ITGA11: variants seen among roughly 807,000 people sequenced by gnomAD.
The protein encoded by ITGA11 is integrin alpha-11.
A neutral mutation model predicts 141.9 loss-of-function variants in ITGA11; 97 were observed. The observed-to-expected ratio is 0.68, with a 90% CI of 0.58 to 0.81. ITGA11 has a LOEUF of 0.81. Ranked by LOEUF, ITGA11 falls within the 30% of genes least tolerant of loss-of-function variation. The pLI is 0.00. For synonymous variants in ITGA11, 658 were observed against 624.6 expected (o/e 1.05, Z -0.80); for missense variants, 1,387 against 1,559.2 (o/e 0.89, Z 1.86).
chr15:68,385,332 T>C (rs1465477450), intron 2 of ITGA11, among the ~76,000 whole-genome samples: 1 of 152,134 alleles, frequency 6.6e-6, no homozygotes, highest in Non-Finnish European at 1.5e-5. Flanking sequence ...ACTCTATGCC[T>C]GTGGGAAAGG....
chr15:68,418,007 G>A (rs1456915190), intron 1 of ITGA11, among the ~76,000 whole-genome samples: 2 of 152,246 alleles, frequency 1.3e-5, no homozygotes, highest in African/African-American at 4.8e-5. Flanking sequence ...GGACTAATGT[G>A]TGCTGGAGTC....
chr15:68,337,605 G>A (rs1894405835), intron 11 of ITGA11, among the ~76,000 whole-genome samples: 1 of 152,196 alleles, frequency 6.6e-6, no homozygotes, highest in South Asian at 2.1e-4. Context: ...TGGGCCTCAT[G>A]AGTGTCCATC....
intron 11 of ITGA11, among the ~76,000 whole-genome samples, chr15:68,336,707 T>C (rs1474201258): frequency 6.6e-6 from 1 of 152,216 alleles, no homozygotes; most frequent in Non-Finnish European, 1.5e-5. Flanking sequence ...TAGATGAGTG[T>C]TGGACTTTGT....
chr15:68,430,581 C>T (rs1156751586), intron 1 of ITGA11, among the ~76,000 whole-genome samples: 5 of 152,136 alleles, frequency 3.3e-5, no homozygotes, highest in Non-Finnish European at 4.4e-5. Context: ...CACAGGAGTG[C>T]GTCTCTTTTC....
At chr15:68,405,158 C>CTTTTTT (rs1566940352) in intron 1 of ITGA11, among the ~76,000 whole-genome samples, 10 of 7,814 alleles carry the variant, frequency 1.3e-3, no homozygotes, top group African/African-American at 5.1e-3. Context: ...CCACTGTCTC[C>CTTTTTT]CTTTTTTTTT....
chr15:68,315,032 T>C (rs1376151628), intron 22 of ITGA11, among the ~76,000 whole-genome samples: 1 of 152,092 alleles, frequency 6.6e-6, no homozygotes, highest in Non-Finnish European at 1.5e-5. Context: ...GGTCAACACA[T>C]AGCAAGCTAC....
chr15:68,374,446 G>T (rs4776402), intron 2 of ITGA11, among the ~76,000 whole-genome samples: 3 of 152,038 alleles, frequency 2.0e-5, no homozygotes, highest in Admixed American at 6.5e-5. Context: ...CCAAGGCCAG[G>T]GAGAGAAGTG....
At chr15:68,332,593 T>A in intron 12 of ITGA11, 115 bp from the exon 13 acceptor site, 1 of 1,183,042 alleles carries the variant, frequency 8.5e-7, no homozygotes, top group Middle Eastern at 2.2e-4. Context: ...GAATTTTTGG[T>A]GAACAAATGG....
At position 68,303,251 on chromosome 15, in the gene ITGA11, C is replaced by T. The variant is rs1893087326; in HGVS notation, c.3496-121G>A. 4.9e-6 allele frequency: 4 copies of T among 813,160 alleles called. No individual in the cohort carries two copies. Among genetic ancestry groups the T allele is most frequent in the South Asian group, 4.6e-5 (3 of 65,056 alleles). 50.4% of individuals were successfully genotyped at this position (813,160 alleles called of 1,614,324 possible). A position where few individuals can be genotyped will look rare whatever the true frequency, so the allele number is the denominator to read the frequency against. ...TCAGGGCTTCCTTGAGTACCCCCAGCTCATTCTGAGCACCCCCTCCTCCAG... is the reference window on the plus strand; with the variant it reads ...TCAGGGCTTCCTTGAGTACCCCCAGTTCATTCTGAGCACCCCCTCCTCCAG... On this transcript the variant is annotated intron_variant, in intron 29 of 29. Transcript: ENST00000315757. This position sits in a 1 kb window ranked among gnomAD's most constrained non-coding sequence, Gnocchi z 5.3.
intron 7 of ITGA11, among the ~76,000 whole-genome samples, chr15:68,354,224 CA>C (rs1281674585): frequency 7.2e-5 from 11 of 152,116 alleles, no homozygotes; most frequent in Non-Finnish European, 5.9e-5. Context: ...CTCACGATGG[CA>C]CGGTATTTGT....
chr15:68,332,021 A>G lies in ITGA11; in HGVS notation c.1608T>C (p.Ser536=). ...VYNGTLKDSH[S]YQNARFGSSI... is the part of the protein sequence containing the mutation. Reference sequence around the variant, plus strand: ...AGGACCCAAATCGGGCATTCTGGTAACTGTGTGAATCCTTTAGCGTTCCGT... The same window carrying G: ...AGGACCCAAATCGGGCATTCTGGTAGCTGTGTGAATCCTTTAGCGTTCCGT... Residue 536 remains serine (S), a synonymous_variant, in exon 14 of 30, where the codon AGT becomes AGC. Coordinates refer to ENST00000315757, the MANE Select transcript of ITGA11 (RefSeq NM_001004439.2). 1 of 1,610,954 alleles carries G rather than the reference A, an allele frequency of 6.2e-7. No homozygotes were observed. Among genetic ancestry groups the G allele is most frequent in the Non-Finnish European group, 8.5e-7 (1 of 1,178,610 alleles).
At chr15:68,356,106 ATTTTT>A (rs10574703) in intron 7 of ITGA11, among the ~76,000 whole-genome samples, 25,787 of 151,214 alleles carry the variant, frequency 0.17, 2,576 homozygotes, top group Non-Finnish European at 0.23. Context: ...ATTTTATTTT[ATTTTT>A]TTGAGACGGA....
At chr15:68,341,546 G>T (rs1894569579) in intron 10 of ITGA11, among the ~76,000 whole-genome samples, 2 of 152,248 alleles carry the variant, frequency 1.3e-5, no homozygotes, top group Non-Finnish European at 2.9e-5. Flanking sequence ...AAGTAGGGCA[G>T]AGAAGAAAAC....
At chr15:68,429,653 C>A (rs997424493) in intron 1 of ITGA11, among the ~76,000 whole-genome samples, 1 of 152,170 alleles carries the variant, frequency 6.6e-6, no homozygotes, top group Non-Finnish European at 1.5e-5. Context: ...TCATGTGATG[C>A]ATGGATGAGG....
chr15:68,352,195 T>G (rs1894936264), intron 7 of ITGA11, among the ~76,000 whole-genome samples: 1 of 151,272 alleles, frequency 6.6e-6, no homozygotes, highest in African/African-American at 2.4e-5. Context: ...TATTAGTTTT[T>G]TTTTTTTTTT....
intron 1 of ITGA11, among the ~76,000 whole-genome samples, chr15:68,425,686 T>C (rs1374629686): frequency 6.6e-6 from 1 of 152,206 alleles, no homozygotes; most frequent in Non-Finnish European, 1.5e-5. Context: ...TTGCAGACTA[T>C]CTAGAGCTAC....
At chr15:68,426,903 T>C (rs1897155841) in intron 1 of ITGA11, among the ~76,000 whole-genome samples, 1 of 149,712 alleles carries the variant, frequency 6.7e-6, no homozygotes, top group South Asian at 2.1e-4. Context: ...TAATCCCAGC[T>C]ACTCAGGAAG....
intron 10 of ITGA11, among the ~76,000 whole-genome samples, chr15:68,344,902 T>A (rs113799396): frequency 1.3e-4 from 20 of 152,152 alleles, no homozygotes; most frequent in Non-Finnish European, 2.1e-4. Flanking sequence ...TAGGGCAGAT[T>A]TAGGATTCCA....
At chr15:68,314,244 G>A (rs1893493581) in intron 22 of ITGA11, among the ~76,000 whole-genome samples, 1 of 152,184 alleles carries the variant, frequency 6.6e-6, no homozygotes, top group African/African-American at 2.4e-5. Flanking sequence ...GACACCTGTG[G>A]CAAAGGCTGT....
Sources: allele counts gnomAD v4.1 joint callset (sites outside exome capture counted in the v4.1 genomes callset), GRCh38; gene constraint gnomAD v4.1.1; non-coding constraint Gnocchi (gnomAD v3.1); transcripts MANE v1.5; gene names NCBI Gene and HGNC (gene_info 2026-07-23, HGNC 2026-07-21).